The following CARMIL1 variants were observed in gnomAD, a reference collection of about 807,000 sequenced individuals.
CARMIL1 encodes the protein F-actin-uncapping protein LRRC16A.
Under a neutral mutation model 177.1 loss-of-function variants are expected in CARMIL1, and 90 were observed. The ratio of observed to expected loss-of-function variants is 0.51; its 90% CI spans 0.43 to 0.61. The LOEUF (loss-of-function observed/expected upper bound fraction) is 0.61, where lower values mean the gene tolerates loss of function less well. CARMIL1 is among the 20% of genes least tolerant of loss of function. The pLI is 0.00. For missense variants in CARMIL1, 1,380 were observed against 1,667.0 expected (o/e 0.83, Z 3.00); for synonymous variants, 577 against 606.2 (o/e 0.95, Z 0.71).
chr6:25,297,493 T>C (rs568048841), intron 2 of CARMIL1, among the ~76,000 whole-genome samples: 8 of 152,248 alleles, frequency 5.3e-5, no homozygotes, highest in Admixed American at 4.6e-4. Context: ...GTGGAGAACA[T>C]GTTGGGTCTT....
intron 29 of CARMIL1, among the ~76,000 whole-genome samples, chr6:25,572,987 C>CTGAT (rs1477058544): frequency 1.3e-5 from 2 of 152,160 alleles, no homozygotes; most frequent in Non-Finnish European, 2.9e-5. Context: ...GATTAAAGCA[C>CTGAT]TGATTCAGTT....
At chr6:25,612,610 A>G (rs1816592309) in intron 36 of CARMIL1, 2 of 260,254 alleles carry the variant, frequency 7.7e-6, no homozygotes, top group Admixed American at 6.5e-5. Context: ...CCAACACTGT[A>G]GGTTCCTTGA....
chr6:25,471,336 T>G, intron 10 of CARMIL1, 79 bp downstream of exon 10: 1 of 1,052,718 alleles, frequency 9.5e-7, no homozygotes, highest in Non-Finnish European at 1.4e-6. Flanking sequence ...TCATAGTTTT[T>G]TTTTTTTTTA....
intron 16 of CARMIL1, among the ~76,000 whole-genome samples, chr6:25,495,528 T>C (rs1803614242): frequency 7.4e-6 from 1 of 134,572 alleles, no homozygotes; most frequent in Admixed American, 8.1e-5. Context: ...TTCAGGCATA[T>C]TCGTTTGTTC....
chr6:25,348,028 T>G (rs1787710148), intron 2 of CARMIL1, among the ~76,000 whole-genome samples: 1 of 152,226 alleles, frequency 6.6e-6, no homozygotes. Flanking sequence ...TGAAACATCA[T>G]GTAAAGAAAC....
chr6:25,428,903 A>C (rs188269576), intron 4 of CARMIL1, among the ~76,000 whole-genome samples: 1 of 152,116 alleles, frequency 6.6e-6, no homozygotes, highest in African/African-American at 2.4e-5. Context: ...TGTTCTACTC[A>C]CGTATTAGTT....
chr6:25,347,886 G>C (rs1351465129), intron 2 of CARMIL1, among the ~76,000 whole-genome samples: 1 of 152,106 alleles, frequency 6.6e-6, no homozygotes, highest in Admixed American at 6.5e-5. Context: ...CTTACAATCA[G>C]TAGTAGCACC....
intron 31 of CARMIL1, among the ~76,000 whole-genome samples, chr6:25,592,244 C>A (rs768476758): frequency 5.9e-5 from 9 of 152,068 alleles, no homozygotes; most frequent in Non-Finnish European, 1.3e-4. Flanking sequence ...CTATCTCTTT[C>A]AGTTTAAAGG....
intron 5 of CARMIL1, among the ~76,000 whole-genome samples, chr6:25,448,049 T>A (rs1798413017): frequency 6.6e-6 from 1 of 152,198 alleles, no homozygotes; most frequent in South Asian, 2.1e-4. Context: ...TATTTAGCCC[T>A]GAACCACCAA....
Position 25,502,313 on chromosome 6 carries a change from C to A in CARMIL1, c.1395+2078C>A, listed in dbSNP as rs1478521839. ...GCGGTCAATGCCTGTAATCCCAGCA[C>A]TTTGGGAGGCCTAGGCGGGTGGATT... is the stretch of plus-strand genomic sequence containing the variant. On this transcript the variant is annotated intron_variant, in intron 17 of 36. Coordinates refer to ENST00000329474, the MANE Select transcript of CARMIL1 (RefSeq NM_017640.6). Among the ~76,000 whole-genome samples the A allele has an allele frequency of 2.0e-5, 3 of 149,416 alleles. 1 individual carries two copies. Among genetic ancestry groups the A allele is most frequent in the Non-Finnish European group, 4.4e-5 (3 of 67,598 alleles).
At chr6:25,546,669 CAAAAAAAAAA>C (rs58285338) in intron 26 of CARMIL1, among the ~76,000 whole-genome samples, 3 of 115,486 alleles carry the variant, frequency 2.6e-5, no homozygotes, top group Admixed American at 1.8e-4. Context: ...ACAACAACAA[CAAAAAAAAAA>C]AAAAAAAAAA....
chr6:25,451,390 A>G (rs978358003), intron 8 of CARMIL1, among the ~76,000 whole-genome samples: 1 of 152,184 alleles, frequency 6.6e-6, no homozygotes, highest in Non-Finnish European at 1.5e-5. Flanking sequence ...ATTCTGAGAT[A>G]TGACTTTTAG....
In CARMIL1 at chr6:25,581,315, TCAGA is replaced by T. The variant is rs1562307028; in HGVS notation, c.2886_2889del (p.Gln963ArgfsTer25). 1 of 1,609,876 alleles carries T rather than the reference TCAGA, an allele frequency of 6.2e-7. No individual in the cohort carries two copies. Among genetic ancestry groups the T allele is most frequent in the Non-Finnish European group, 8.5e-7 (1 of 1,177,320 alleles). ...ATCGAAGACCCGCCCTTCCCATCCC[TCAGA>T]CAGGAGAAGCGGAGCTCGGGATTTA... is the stretch of plus-strand genomic sequence containing the variant. On this transcript the variant is annotated frameshift_variant, in exon 31 of 37. Coordinates refer to ENST00000329474, the MANE Select transcript of CARMIL1 (RefSeq NM_017640.6). LOFTEE classifies it high-confidence loss of function.
At chr6:25,317,967 A>G (rs1784404038) in intron 2 of CARMIL1, among the ~76,000 whole-genome samples, 1 of 152,190 alleles carries the variant, frequency 6.6e-6, no homozygotes, top group Non-Finnish European at 1.5e-5. Flanking sequence ...TTTTGGAAGT[A>G]GTGAGGGAGT....
At chr6:25,321,049 C>T (rs1430903532) in intron 2 of CARMIL1, among the ~76,000 whole-genome samples, 2 of 151,438 alleles carry the variant, frequency 1.3e-5, no homozygotes, top group East Asian at 3.9e-4. Context: ...ATCTGCCTCC[C>T]CCAGCCCCCA....
At chr6:25,410,052 T>C (rs1794769069) in intron 2 of CARMIL1, among the ~76,000 whole-genome samples, 1 of 152,184 alleles carries the variant, frequency 6.6e-6, no homozygotes, top group Non-Finnish European at 1.5e-5. Flanking sequence ...TGATTATATA[T>C]GTAATGGTGT....
chr6:25,441,889 G>A (rs1378413882), intron 5 of CARMIL1, among the ~76,000 whole-genome samples: 1 of 135,758 alleles, frequency 7.4e-6, no homozygotes, highest in Non-Finnish European at 1.7e-5. Context: ...CCAAAACAAA[G>A]CTAGATTTTT....
intron 13 of CARMIL1, among the ~76,000 whole-genome samples, chr6:25,489,328 C>T (rs796939773): frequency 1.2e-4 from 18 of 152,248 alleles, no homozygotes; most frequent in African/African-American, 3.9e-4. Context: ...TGGGATAAAC[C>T]TGAGCACTCG....
At chr6:25,412,283 A>T (rs1419163961) in intron 2 of CARMIL1, among the ~76,000 whole-genome samples, 1 of 152,242 alleles carries the variant, frequency 6.6e-6, no homozygotes, top group African/African-American at 2.4e-5. Flanking sequence ...TCATTTTTAA[A>T]GAGAAGAGAG....
Sources: allele counts gnomAD v4.1 joint callset (sites outside exome capture counted in the v4.1 genomes callset), GRCh38; gene constraint gnomAD v4.1.1; transcripts MANE v1.5; gene names NCBI Gene and HGNC (gene_info 2026-07-23, HGNC 2026-07-21).